DYNLT2: variants seen among roughly 807,000 people sequenced by gnomAD.
DYNLT2 encodes the protein dynein light chain Tctex-type 2.
DYNLT2 carries 24 observed loss-of-function variants against 24.3 expected under a neutral mutation model. The observed-to-expected ratio is 0.99, with a 90% confidence interval of 0.71 to 1.39. The LOEUF is 1.39. DYNLT2 is among the 40% of genes most tolerant of loss of function. The pLI is 0.00. For missense variants in DYNLT2, 246 were observed against 234.5 expected (o/e 1.05, Z -0.32); for synonymous variants, 85 against 85.4 (o/e 1.00, Z 0.03).
At chr6:169,734,847 A>G in the DYNLT2 span, among the ~76,000 whole-genome samples, 4 of 152,198 alleles carry the variant, frequency 2.6e-5, no homozygotes, top group Admixed American at 2.6e-4. Flanking sequence ...TGTTTGGAAT[A>G]GTTTCAGAAG....
the DYNLT2 span, among the ~76,000 whole-genome samples, chr6:169,735,100 T>C: frequency 6.6e-6 from 1 of 152,222 alleles, no homozygotes; most frequent in Non-Finnish European, 1.5e-5. Flanking sequence ...TATTCTCTAA[T>C]GGTAATTTGT....
intron 1 of DYNLT2, among the ~76,000 whole-genome samples, chr6:169,749,347 C>T (rs972596750): frequency 2.6e-5 from 4 of 152,204 alleles, no homozygotes; most frequent in African/African-American, 7.2e-5. Context: ...GTGATCCATC[C>T]GCCTTGGCCT....
At chr6:169,734,838 G>T in the DYNLT2 span, among the ~76,000 whole-genome samples, 171 of 152,230 alleles carry the variant, frequency 1.1e-3, 2 homozygotes, top group East Asian at 0.023. Context: ...CTTTTCAATT[G>T]TTTGGAATAG....
At chr6:169,731,866 TAATAAG>T in the DYNLT2 span, among the ~76,000 whole-genome samples, 19 of 152,224 alleles carry the variant, frequency 1.2e-4, no homozygotes, top group Non-Finnish European at 2.2e-4. Context: ...GTGTCAGACC[TAATAAG>T]AATAAGTGTG....
At chr6:169,747,685 A>G (rs1163155013) in intron 1 of DYNLT2, among the ~76,000 whole-genome samples, 1 of 152,220 alleles carries the variant, frequency 6.6e-6, no homozygotes, top group East Asian at 1.9e-4. Context: ...ATAACTTCAT[A>G]TGATTAAATT....
At chr6:169,728,218 G>A in the DYNLT2 span, among the ~76,000 whole-genome samples, 1 of 152,134 alleles carries the variant, frequency 6.6e-6, no homozygotes, top group Admixed American at 6.6e-5. Flanking sequence ...TTATAATGAT[G>A]AGCCATGATA....
At chr6:169,729,162 AGC>A in the DYNLT2 span, among the ~76,000 whole-genome samples, 1 of 152,234 alleles carries the variant, frequency 6.6e-6, no homozygotes, top group Non-Finnish European at 1.5e-5. Context: ...TTCAGTCAAA[AGC>A]AGGAAAAAGT....
intron 1 of DYNLT2, chr6:169,749,476 G>T (rs1203521247): frequency 1.3e-5 from 2 of 152,208 alleles, no homozygotes; most frequent in Admixed American, 1.3e-4. Flanking sequence ...TTCGCATTTT[G>T]TTACCTTTGA....
chr6:169,751,411 CG>C lies in DYNLT2; in HGVS notation c.47del (p.Pro16ArgfsTer10), dbSNP rs763221142. The stretch of plus-strand genomic sequence containing the variant: ...CCGGAGCCTGCTGAGGGGTCTGGTT[CG>C]GGGTCTGGATGGGGCTCGACTTCAC... ...RGVKSSPIQTPNQTPQQAPVT... is the reference protein window; with the variant it reads ...RGVKSSPIQTXNQTPQQAPVT... On this transcript the variant is annotated frameshift_variant, in exon 1 of 4. Transcript: ENST00000366774. LOFTEE classifies it high-confidence loss of function. 6.2e-7 allele frequency: 1 copy of C among 1,613,978 alleles called. No individual in the cohort carries two copies. Among genetic ancestry groups the C allele is most frequent in the Non-Finnish European group, 8.5e-7 (1 of 1,180,012 alleles).
the DYNLT2 span, chr6:169,725,669 AACTCTTAAGCTATTTGGT>A: frequency 5.2e-6 from 1 of 193,640 alleles, no homozygotes. Flanking sequence ...AACAAAAAAA[AACTCTTAAGCTATTTGGT>A]ACTCCTCTCC....
At chr6:169,736,971 T>A (rs1008634293), downstream of DYNLT2, among the ~76,000 whole-genome samples, 2 of 152,230 alleles carry the variant, frequency 1.3e-5, no homozygotes, top group Admixed American at 6.5e-5. Context: ...AGGTTTGGCC[T>A]TTTTATGAAG....
At chr6:169,727,468 TAGAC>T in the DYNLT2 span, among the ~76,000 whole-genome samples, 15 of 152,168 alleles carry the variant, frequency 9.9e-5, no homozygotes, top group African/African-American at 2.4e-4. Flanking sequence ...GCACAGGTAT[TAGAC>T]AGGAAGCAGA....
At chr6:169,740,773 C>T (rs1319781325) in intron 3 of DYNLT2, among the ~76,000 whole-genome samples, 1 of 151,798 alleles carries the variant, frequency 6.6e-6, no homozygotes, top group African/African-American at 2.4e-5. Flanking sequence ...GATCTGATTC[C>T]AGCCCACTTC....
chr6:169,740,306 A>C lies in DYNLT2; in HGVS notation c.487-11T>G. Reference sequence around the variant, plus strand: ...CCATCTGCTGGCAATCTGTGAGAGAAATTTTGTAAAGACCAACTTTAGATT... The same window carrying C: ...CCATCTGCTGGCAATCTGTGAGAGACATTTTGTAAAGACCAACTTTAGATT... On this transcript the variant is annotated splice_polypyrimidine_tract_variant and intron_variant, in intron 3 of 3. Coordinates refer to ENST00000366774, the MANE Select transcript of DYNLT2 (RefSeq NM_174910.3). 1 of 1,582,404 alleles carries C rather than the reference A, an allele frequency of 6.3e-7. No homozygotes were observed. The highest frequency in any genetic ancestry group is 8.7e-7 in the Non-Finnish European group (1 of 1,152,030).
chr6:169,737,800 G>A (rs1789592614), downstream of DYNLT2, among the ~76,000 whole-genome samples: 1 of 152,150 alleles, frequency 6.6e-6, no homozygotes, highest in Non-Finnish European at 1.5e-5. Flanking sequence ...GGTGACACAG[G>A]GAGCAGGACC....
intron 2 of DYNLT2, among the ~76,000 whole-genome samples, chr6:169,743,526 A>T (rs1789726464): frequency 6.6e-6 from 1 of 152,164 alleles, no homozygotes; most frequent in Non-Finnish European, 1.5e-5. Context: ...ACACAAGGAG[A>T]TTTTCTAAAG....
chr6:169,744,040 C>T, intron 2 of DYNLT2, 28 bp downstream of exon 2: 3 of 1,592,252 alleles, frequency 1.9e-6, no homozygotes, highest in Non-Finnish European at 2.6e-6. Context: ...TCATACAATA[C>T]TGCTATCATA....
intron 1 of DYNLT2, among the ~76,000 whole-genome samples, chr6:169,748,741 G>A (rs1981069): frequency 0.18 from 27,460 of 152,058 alleles, 3,054 homozygotes; most frequent in African/African-American, 0.3. Context: ...CATTAACAGC[G>A]GCTTTCAACT....
At chr6:169,734,747 C>CT in the DYNLT2 span, among the ~76,000 whole-genome samples, 69 of 151,390 alleles carry the variant, frequency 4.6e-4, no homozygotes, top group African/African-American at 1.4e-3. Context: ...CTGAAGTTTT[C>CT]TTTTTTTTTG....
Sources: gnomAD v4.1 joint callset for allele counts (sites outside exome capture counted in the v4.1 genomes callset) on GRCh38, gnomAD v4.1.1 for gene constraint, MANE v1.5 for transcripts, NCBI Gene and HGNC (gene_info 2026-07-23, HGNC 2026-07-21) for gene names.